The following B3GALT1 variants were observed in gnomAD, a reference collection of about 807,000 sequenced individuals.
B3GALT1 encodes beta-1,3-galactosyltransferase 1.
A neutral mutation model predicts 23.2 loss-of-function variants in B3GALT1; 10 were observed. That is an observed-to-expected ratio of 0.43 (90% confidence interval 0.27 to 0.73). B3GALT1 has a LOEUF of 0.73. B3GALT1 is among the 30% of genes least tolerant of loss of function. The pLI is 0.21. For missense variants in B3GALT1, 299 were observed against 405.4 expected, an observed-to-expected ratio of 0.74 and a Z score of 2.25; for synonymous variants, 156 against 141.5, an observed-to-expected ratio of 1.10 and a Z score of -0.73.
intron 4 of B3GALT1, among the ~76,000 whole-genome samples, chr2:167,826,326 G>T (rs980941495): frequency 6.6e-6 from 1 of 152,194 alleles, no homozygotes; most frequent in African/African-American, 2.4e-5. Context: ...AGGAAGAGGA[G>T]TTGACAGGAA....
At chr2:167,441,453 A>T (rs1307629703) in intron 1 of B3GALT1, among the ~76,000 whole-genome samples, 2 of 152,114 alleles carry the variant, frequency 1.3e-5, no homozygotes, top group Non-Finnish European at 2.9e-5. Context: ...TGTTACAAGG[A>T]TCTTCTGAGA....
intron 3 of B3GALT1, among the ~76,000 whole-genome samples, chr2:167,689,760 G>A (rs1006029063): frequency 3.9e-5 from 6 of 152,098 alleles, no homozygotes; most frequent in Admixed American, 3.9e-4. Context: ...CTACAGAGAA[G>A]GGGATGAGAC....
intron 3 of B3GALT1, among the ~76,000 whole-genome samples, chr2:167,682,826 A>G (rs1228661031): frequency 6.6e-6 from 1 of 152,244 alleles, no homozygotes; most frequent in Non-Finnish European, 1.5e-5. Context: ...GCTCTTCATA[A>G]TTACTTTTAA....
intron 3 of B3GALT1, among the ~76,000 whole-genome samples, chr2:167,695,999 A>AC (rs1329116504): frequency 6.6e-6 from 1 of 152,104 alleles, no homozygotes; most frequent in Non-Finnish European, 1.5e-5. Context: ...CACTGGCTAG[A>AC]ATGCAAGCAC....
chr2:167,603,790 C>T (rs1444200417), intron 2 of B3GALT1, among the ~76,000 whole-genome samples: 5 of 152,052 alleles, frequency 3.3e-5, no homozygotes, highest in African/African-American at 7.2e-5. Context: ...TATTGTGAAA[C>T]GCAAGAGACT....
intron 2 of B3GALT1, among the ~76,000 whole-genome samples, chr2:167,585,599 A>C (rs1203235818): frequency 1.3e-5 from 2 of 152,230 alleles, no homozygotes. Context: ...ATATTTGAAC[A>C]TTCGCTTTGG....
intron 3 of B3GALT1, among the ~76,000 whole-genome samples, chr2:167,647,789 T>C (rs770952822): frequency 6.6e-6 from 1 of 152,144 alleles, no homozygotes; most frequent in Non-Finnish European, 1.5e-5. Context: ...CTTTATTTTT[T>C]AAATTTTATG....
intron 3 of B3GALT1, among the ~76,000 whole-genome samples, chr2:167,732,932 G>A (rs549221152): frequency 7.9e-5 from 12 of 152,268 alleles, no homozygotes; most frequent in African/African-American, 2.9e-4. Context: ...TAGATATGTT[G>A]CCTTGTTAAT....
At chr2:167,698,974 T>C (rs574174364) in intron 3 of B3GALT1, among the ~76,000 whole-genome samples, 2 of 152,330 alleles carry the variant, frequency 1.3e-5, no homozygotes, top group East Asian at 1.9e-4. Flanking sequence ...CCACCTTTAA[T>C]GTTCAGAACA....
At chr2:167,465,037 TG>T (rs1269556540) in intron 1 of B3GALT1, among the ~76,000 whole-genome samples, 1 of 152,182 alleles carries the variant, frequency 6.6e-6, no homozygotes, top group Non-Finnish European at 1.5e-5. Context: ...CAAGTTACTT[TG>T]GGGGTGCCTG....
chr2:167,747,031 C>T (rs79174757), intron 3 of B3GALT1, among the ~76,000 whole-genome samples: 2 of 152,108 alleles, frequency 1.3e-5, no homozygotes, highest in Non-Finnish European at 2.9e-5. Flanking sequence ...TTCCCCATAT[C>T]GTACCTCCAA....
At chr2:167,709,903 A>G (rs1369752844) in intron 3 of B3GALT1, among the ~76,000 whole-genome samples, 1 of 152,182 alleles carries the variant, frequency 6.6e-6, no homozygotes, top group Admixed American at 6.5e-5. Flanking sequence ...TAAATATGTG[A>G]AAATCACTTA....
At chr2:167,498,817 C>T (rs543485863) in intron 2 of B3GALT1, among the ~76,000 whole-genome samples, 29 of 152,112 alleles carry the variant, frequency 1.9e-4, no homozygotes, top group African/African-American at 6.5e-4. Flanking sequence ...TCATGCTGCC[C>T]CTATTAAAAA....
At chr2:167,700,833 G>A (rs1373142751) in intron 3 of B3GALT1, among the ~76,000 whole-genome samples, 1 of 152,112 alleles carries the variant, frequency 6.6e-6, no homozygotes, top group Non-Finnish European at 1.5e-5. Flanking sequence ...CATATCTCCG[G>A]GGTTCACCTA....
intron 1 of B3GALT1, among the ~76,000 whole-genome samples, chr2:167,440,378 A>G (rs1334069602): frequency 6.6e-6 from 1 of 151,696 alleles, no homozygotes. Context: ...ATAATTTAAA[A>G]TGTTCATAAA....
chr2:167,614,486 T>C (rs1255317073), intron 2 of B3GALT1, among the ~76,000 whole-genome samples: 2 of 151,920 alleles, frequency 1.3e-5, no homozygotes, highest in African/African-American at 4.8e-5. Flanking sequence ...GTGAACATCT[T>C]AGTAGAATTT....
At chr2:167,806,677 T>C (rs560205687) in intron 3 of B3GALT1, among the ~76,000 whole-genome samples, 1 of 152,294 alleles carries the variant, frequency 6.6e-6, no homozygotes, top group Admixed American at 6.5e-5. Flanking sequence ...CACTTGATCA[T>C]GGTGGATAAG....
chr2:167,822,733 A>G lies in B3GALT1; in HGVS notation c.-230+3940A>G, dbSNP rs555437275. Among the ~76,000 whole-genome samples the G allele has an allele frequency of 5.9e-5, 9 of 152,126 alleles. No individual in the cohort carries two copies. In the South Asian group the frequency reaches 1.9e-3, roughly 32 times the overall value. ...ATCTCTTCCTATCAAGGACTTGCTT[A>G]TTCTTCAAGCCCCACTCAAAATTCA... is the stretch of plus-strand genomic sequence containing the variant. On this transcript the variant is annotated intron_variant, in intron 4 of 4. Transcript: ENST00000392690.
chr2:167,330,440 C>A (rs1916747), intron 1 of B3GALT1, among the ~76,000 whole-genome samples: 1 of 151,886 alleles, frequency 6.6e-6, no homozygotes, highest in Non-Finnish European at 1.5e-5. Context: ...GACCCTGTCT[C>A]TACAAAAAAT....
Sources: gnomAD v4.1 joint callset for allele counts (sites outside exome capture counted in the v4.1 genomes callset) on GRCh38, gnomAD v4.1.1 for gene constraint, MANE v1.5 for transcripts, NCBI Gene and HGNC (gene_info 2026-07-23, HGNC 2026-07-21) for gene names.